SPATA16: variants seen among roughly 807,000 people sequenced by gnomAD.
The protein encoded by SPATA16 is spermatogenesis associated 16.
Under a neutral mutation model 63.3 loss-of-function variants are expected in SPATA16, and 36 were observed. The ratio of observed to expected loss-of-function variants is 0.57; its 90% CI spans 0.44 to 0.75. The LOEUF (loss-of-function observed/expected upper bound fraction) is 0.75. SPATA16 is among the 30% of genes least tolerant of loss of function. SPATA16 has a pLI of 0.00. For synonymous variants in SPATA16, 203 were observed against 216.7 expected (o/e 0.94, Z 0.56); for missense variants, 646 against 679.3 (o/e 0.95, Z 0.54).
intron 4 of SPATA16, among the ~76,000 whole-genome samples, chr3:172,996,443 T>C (rs1734693729): frequency 6.6e-6 from 1 of 152,138 alleles, no homozygotes; most frequent in Non-Finnish European, 1.5e-5. Context: ...TACTAGTGGA[T>C]GTTTTAAAAA....
At chr3:172,959,721 A>G (rs1225365185) in intron 5 of SPATA16, among the ~76,000 whole-genome samples, 1 of 151,010 alleles carries the variant, frequency 6.6e-6, no homozygotes, top group Admixed American at 6.6e-5. Flanking sequence ...ATTCTTCTAG[A>G]GACAGACAAT....
At chr3:172,896,669 T>C (rs1227617889) in intron 10 of SPATA16, among the ~76,000 whole-genome samples, 2 of 152,222 alleles carry the variant, frequency 1.3e-5, no homozygotes, top group Admixed American at 6.5e-5. Context: ...TGACATCTCA[T>C]TGTGGTTTTA....
At chr3:172,939,468 C>T (rs1239434633) in intron 6 of SPATA16, among the ~76,000 whole-genome samples, 3 of 152,138 alleles carry the variant, frequency 2.0e-5, no homozygotes, top group Non-Finnish European at 4.4e-5. Flanking sequence ...GCCAGAGTCT[C>T]TTAGCTTGAC....
At chr3:173,007,802 A>G (rs1734977419) in intron 4 of SPATA16, among the ~76,000 whole-genome samples, 1 of 151,344 alleles carries the variant, frequency 6.6e-6, no homozygotes, top group African/African-American at 2.4e-5. Context: ...CTGGCTTTGG[A>G]CTAAAATATT....
chr3:172,971,184 T>C (rs16846348), intron 5 of SPATA16, among the ~76,000 whole-genome samples: 5,830 of 152,264 alleles, frequency 0.038, 379 homozygotes, highest in African/African-American at 0.13. Context: ...AAAAGATCTA[T>C]TGGAAACCTG....
At chr3:172,970,004 G>A (rs1734012003) in intron 5 of SPATA16, among the ~76,000 whole-genome samples, 1 of 152,150 alleles carries the variant, frequency 6.6e-6, no homozygotes, top group Non-Finnish European at 1.5e-5. Context: ...AAGCCCAGTC[G>A]AGATTACCCT....
chr3:173,001,346 A>C (rs1734824073), intron 4 of SPATA16, among the ~76,000 whole-genome samples: 1 of 147,872 alleles, frequency 6.8e-6, no homozygotes, highest in Admixed American at 6.8e-5. Context: ...CCCTTCTCTC[A>C]GGTAAATTAG....
intron 2 of SPATA16, among the ~76,000 whole-genome samples, chr3:173,100,147 C>A (rs1737455640): frequency 6.6e-6 from 1 of 152,168 alleles, no homozygotes; most frequent in Non-Finnish European, 1.5e-5. Flanking sequence ...GAGGATACCT[C>A]TCTATGGGAG....
At chr3:172,961,933 ATTTTCTT>A (rs1733796042) in intron 5 of SPATA16, among the ~76,000 whole-genome samples, 1 of 151,468 alleles carries the variant, frequency 6.6e-6, no homozygotes, top group African/African-American at 2.4e-5. Context: ...ATAATCCCCT[ATTTTCTT>A]TTCCTGTCAG....
At position 173,013,425 on chromosome 3, in the gene SPATA16, T is replaced by A. The variant is rs1735114490; in HGVS notation, c.848+6061A>T. 2.0e-5 allele frequency among the ~76,000 whole-genome samples: 3 copies of A among 152,148 alleles called. 1 individual carries two copies. The highest frequency in any genetic ancestry group is 2.0e-4 in the Admixed American group (3 of 15,274). On this transcript the variant is annotated intron_variant, in intron 4 of 10. Coordinates refer to ENST00000351008, the MANE Select transcript of SPATA16 (RefSeq NM_031955.6). ...ACCTTGGGATGTATACAGGAGGATA[T>A]CTTTATTATTGAGTGCACTCAGACC...
At chr3:173,091,584 A>G (rs1647571549) in intron 2 of SPATA16, among the ~76,000 whole-genome samples, 1 of 152,298 alleles carries the variant, frequency 6.6e-6, no homozygotes, top group African/African-American at 2.4e-5. Context: ...ACATATTTTC[A>G]TATAGAATTG....
At chr3:172,941,940 T>G (rs1034019338) in intron 6 of SPATA16, among the ~76,000 whole-genome samples, 2 of 152,068 alleles carry the variant, frequency 1.3e-5, no homozygotes, top group Non-Finnish European at 2.9e-5. Flanking sequence ...AACTACGATT[T>G]TGTTAAGATG....
chr3:173,096,042 A>G (rs887562116), intron 2 of SPATA16, among the ~76,000 whole-genome samples: 4 of 152,122 alleles, frequency 2.6e-5, no homozygotes, highest in African/African-American at 9.6e-5. Context: ...TAAAAGAAAT[A>G]ATGCTTTTAT....
At chr3:173,051,979 T>C (rs1320220545) in intron 2 of SPATA16, among the ~76,000 whole-genome samples, 2 of 151,970 alleles carry the variant, frequency 1.3e-5, no homozygotes, top group African/African-American at 2.4e-5. Flanking sequence ...ATCCAGCTAA[T>C]TTTGTATTTT....
At chr3:173,136,912 C>T (rs983698891) in intron 1 of SPATA16, among the ~76,000 whole-genome samples, 2 of 152,148 alleles carry the variant, frequency 1.3e-5, no homozygotes, top group South Asian at 4.1e-4. Context: ...ATAAGCTTTC[C>T]CTGTCCTCTC....
At chr3:172,917,133 T>C (rs1732511506) in intron 8 of SPATA16, among the ~76,000 whole-genome samples, 1 of 152,146 alleles carries the variant, frequency 6.6e-6, no homozygotes, top group African/African-American at 2.4e-5. Flanking sequence ...CCAACTCCCA[T>C]GGCATTTTGG....
At chr3:173,086,839 T>C (rs926957681) in intron 2 of SPATA16, among the ~76,000 whole-genome samples, 3 of 152,114 alleles carry the variant, frequency 2.0e-5, no homozygotes, top group African/African-American at 7.2e-5. Flanking sequence ...TGTAGTTGCA[T>C]GGTTTTGAGT....
chr3:173,001,720 T>C (rs1734833453), intron 4 of SPATA16, among the ~76,000 whole-genome samples: 2 of 152,226 alleles, frequency 1.3e-5, no homozygotes, highest in Non-Finnish European at 2.9e-5. Flanking sequence ...TTGTATCTAC[T>C]TGTCTGTCTC....
chr3:172,908,689 T>C (rs1464456466), intron 10 of SPATA16, among the ~76,000 whole-genome samples: 1 of 152,224 alleles, frequency 6.6e-6, no homozygotes, highest in Non-Finnish European at 1.5e-5. Flanking sequence ...TAGGAGGTTC[T>C]GCTATAATTC....
Sources: allele counts gnomAD v4.1 joint callset (sites outside exome capture counted in the v4.1 genomes callset), GRCh38; gene constraint gnomAD v4.1.1; transcripts MANE v1.5; gene names NCBI Gene and HGNC (gene_info 2026-07-23, HGNC 2026-07-21).